Variants in OPCML observed in about 807,000 individuals in gnomAD.
The protein encoded by OPCML is opioid binding protein/cell adhesion molecule like, also known as opioid-binding protein/cell adhesion molecule.
Under a neutral mutation model 37.8 loss-of-function variants are expected in OPCML, and 13 were observed. The observed-to-expected ratio is 0.34, with a 90% CI of 0.22 to 0.55. OPCML has a LOEUF of 0.55. OPCML is among the 20% of genes least tolerant of loss of function. OPCML has a pLI of 0.91. For missense variants in OPCML, 341 were observed against 435.6 expected (o/e 0.78, Z 1.93); for synonymous variants, 176 against 168.8 (o/e 1.04, Z -0.33).
intron 1 of OPCML, among the ~76,000 whole-genome samples, chr11:133,018,827 G>A (rs931917970): frequency 2.0e-5 from 3 of 152,212 alleles, no homozygotes; most frequent in Admixed American, 6.5e-5. Flanking sequence ...CCTCAAAGGC[G>A]GCCGCAGCTG....
Position 133,423,103 on chromosome 11 carries a change from T to C in OPCML, c.61+109161A>G, listed in dbSNP as rs998422539. ...GAACGTGTTCTCCAGAATTGAGAAA[T>C]GGGCTTCTATTTGCCTTTCAGGATC... is the stretch of plus-strand genomic sequence containing the variant. On this transcript the variant is annotated intron_variant, in intron 1 of 7. Transcript: ENST00000524381. The C allele has an allele frequency of 4.1e-6, 4 of 985,344 alleles. No individual in the cohort carries two copies. The African/African-American group carries it at 5.2e-5, about 13-fold the overall frequency. 61.0% of individuals were successfully genotyped at this position (985,344 alleles called of 1,614,324 possible). A position where few individuals can be genotyped will look rare whatever the true frequency, so the allele number is the denominator to read the frequency against.
intron 1 of OPCML, among the ~76,000 whole-genome samples, chr11:132,975,581 A>C (rs1300944801): frequency 5.8e-4 from 74 of 127,378 alleles, no homozygotes; most frequent in Admixed American, 5.2e-3. Context: ...AAAAAAAAAA[A>C]AACAAGCACA....
intron 1 of OPCML, among the ~76,000 whole-genome samples, chr11:133,158,254 T>C (rs1408120521): frequency 1.3e-5 from 2 of 152,142 alleles, no homozygotes; most frequent in Admixed American, 1.3e-4. Context: ...CTCTTCCCCA[T>C]ACCCAAAGAT....
chr11:132,587,254 T>C (rs1158259641), intron 3 of OPCML, among the ~76,000 whole-genome samples: 1 of 152,264 alleles, frequency 6.6e-6, no homozygotes, highest in African/African-American at 2.4e-5. Context: ...AACAGAGAAC[T>C]ATACATCATT....
Position 133,458,712 on chromosome 11 carries a change from CGT to C in OPCML, c.61+73550_61+73551del, listed in dbSNP as rs755320624. 6.7e-5 allele frequency among the ~76,000 whole-genome samples: 7 copies of C among 105,248 alleles called. 1 individual carries two copies. The highest frequency in any genetic ancestry group is 3.0e-4 in the African/African-American group (6 of 19,966). 69.0% of individuals were successfully genotyped at this position (105,248 alleles called of 152,430 possible). ...GTGTGTATATATACACATAGATGCA[CGT>C]GTGTGTATATATACACATAGATGCA... On this transcript the variant is annotated intron_variant, in intron 1 of 7. Coordinates refer to ENST00000524381, the MANE Select transcript of OPCML (RefSeq NM_001012393.5).
intron 1 of OPCML, among the ~76,000 whole-genome samples, chr11:133,261,384 C>T (rs929841696): frequency 6.6e-6 from 1 of 152,160 alleles, no homozygotes; most frequent in Non-Finnish European, 1.5e-5. Context: ...GGTTCTAATT[C>T]GAAACACTTT....
In OPCML at chr11:132,939,788, G is replaced by T. The variant is rs73586425; in HGVS notation, c.146+3138C>A. ...CATTGATTCAGACACATGACTTCTG[G>T]ATTCTTGTCATATCTAATCTAATGC... On this transcript the variant is annotated intron_variant, in intron 2 of 7. Transcript: ENST00000524381. 3.8e-3 allele frequency among the ~76,000 whole-genome samples: 584 copies of T among 152,250 alleles called. 8 individuals carry two copies. The highest frequency in any genetic ancestry group is 0.013 in the African/African-American group (542 of 41,538).
At chr11:133,487,362 G>T (rs1947552229) in intron 1 of OPCML, among the ~76,000 whole-genome samples, 1 of 152,042 alleles carries the variant, frequency 6.6e-6, no homozygotes, top group Non-Finnish European at 1.5e-5. Flanking sequence ...CTTAGGGCTT[G>T]TGTCCTGGCT....
chr11:132,661,309 C>A (rs1330112366), intron 2 of OPCML, among the ~76,000 whole-genome samples: 1 of 152,126 alleles, frequency 6.6e-6, no homozygotes, highest in African/African-American at 2.4e-5. Flanking sequence ...GTTCTCAGAA[C>A]CTAACAACAG....
chr11:132,621,702 T>C (rs190817676), intron 3 of OPCML, among the ~76,000 whole-genome samples: 1 of 152,336 alleles, frequency 6.6e-6, no homozygotes, highest in East Asian at 1.9e-4. Context: ...GTACAGGTGA[T>C]TACACATATA....
chr11:132,951,747 C>T (rs1016935373), intron 1 of OPCML, among the ~76,000 whole-genome samples: 9 of 152,098 alleles, frequency 5.9e-5, no homozygotes, highest in African/African-American at 1.7e-4. Context: ...CAAAAATTCC[C>T]AAGGCGTCCA....
intron 1 of OPCML, among the ~76,000 whole-genome samples, chr11:133,432,243 A>G (rs1946137359): frequency 6.6e-6 from 1 of 152,236 alleles, no homozygotes; most frequent in African/African-American, 2.4e-5. Flanking sequence ...AAAGTTGGAA[A>G]GGAAAAAAAG....
chr11:133,040,354 C>A (rs1357049749), intron 1 of OPCML, among the ~76,000 whole-genome samples: 1 of 152,198 alleles, frequency 6.6e-6, no homozygotes, highest in Non-Finnish European at 1.5e-5. Context: ...CTCCCTAAAA[C>A]TCTGCTCTCT....
Position 132,657,142 on chromosome 11 carries a change from G to T in OPCML, c.324C>A (p.Cys108Ter). 1 of 1,614,258 alleles carries T rather than the reference G, an allele frequency of 6.2e-7. No individual in the cohort carries two copies. Among genetic ancestry groups the T allele is most frequent in the South Asian group, 1.1e-5 (1 of 91,088 alleles). ...TGGGATGATTGTCTGTCTGCACAGA[G>T]CAGGTGTACGGACCTTCGTCATACA... ...VDVYDEGPYT[C>*]SVQTDNHPKT... is the part of the protein sequence containing the mutation. The change falls in exon 3 of 8, where the codon TGC (cysteine) becomes TGA (stop). Residue 108 changes from cysteine (C) to a stop codon, truncating the protein, a stop_gained. Coordinates refer to ENST00000524381, the MANE Select transcript of OPCML (RefSeq NM_001012393.5). LOFTEE classifies it high-confidence loss of function.
At chr11:132,967,153 AC>A (rs963961702) in intron 1 of OPCML, among the ~76,000 whole-genome samples, 3 of 152,010 alleles carry the variant, frequency 2.0e-5, no homozygotes, top group Non-Finnish European at 4.4e-5. Flanking sequence ...TAATATTAAT[AC>A]TTTTTCACTC....
intron 1 of OPCML, among the ~76,000 whole-genome samples, chr11:133,153,847 T>C (rs1361692666): frequency 6.6e-6 from 1 of 152,062 alleles, no homozygotes; most frequent in Non-Finnish European, 1.5e-5. Flanking sequence ...GTATCACACG[T>C]GGGGGCTCCA....
At chr11:132,490,622 A>T (rs1592256483) in intron 4 of OPCML, among the ~76,000 whole-genome samples, 2 of 151,910 alleles carry the variant, frequency 1.3e-5, no homozygotes, top group South Asian at 2.1e-4. Context: ...ATCGAGACCA[A>T]CCTGGCTAAC....
chr11:132,932,554 TATTC>T (rs1945243501), intron 2 of OPCML, among the ~76,000 whole-genome samples: 1 of 151,996 alleles, frequency 6.6e-6, no homozygotes, highest in East Asian at 1.9e-4. Context: ...CATAGTCACA[TATTC>T]AACATACATG....
At chr11:132,705,859 G>C (rs1030041874) in intron 2 of OPCML, among the ~76,000 whole-genome samples, 12 of 152,108 alleles carry the variant, frequency 7.9e-5, no homozygotes, top group African/African-American at 2.9e-4. Flanking sequence ...CCAGGATGGA[G>C]TGCAGTGGCA....
Sources: allele counts gnomAD v4.1 joint callset (sites outside exome capture counted in the v4.1 genomes callset), GRCh38; gene constraint gnomAD v4.1.1; transcripts MANE v1.5; gene names NCBI Gene and HGNC (gene_info 2026-07-23, HGNC 2026-07-21).